Variants in TACC2 observed in about 807,000 individuals in gnomAD.
TACC2 encodes the protein transforming acidic coiled-coil-containing protein 2.
A neutral mutation model predicts 227.3 loss-of-function variants in TACC2; 137 were observed. The ratio of observed to expected loss-of-function variants is 0.60; its 90% CI spans 0.52 to 0.69. TACC2 has a LOEUF of 0.69. TACC2 is among the 30% of genes least tolerant of loss of function. The pLI is 0.00. For synonymous variants in TACC2, 1,523 were observed against 1,487.5 expected (o/e 1.02, Z -0.55); for missense variants, 3,470 against 3,694.4 (o/e 0.94, Z 1.57).
intron 7 of TACC2, among the ~76,000 whole-genome samples, chr10:122,178,296 T>G (rs1349362116): frequency 5.3e-5 from 8 of 150,822 alleles, no homozygotes; most frequent in Admixed American, 2.0e-4. Context: ...GAGTGCAGTG[T>G]CGTGATCTTT....
At chr10:122,247,592 T>C (rs1297648835) in intron 19 of TACC2, 1 of 152,236 alleles carries the variant, frequency 6.6e-6, no homozygotes, top group East Asian at 1.9e-4. Context: ...AGTCATGTCC[T>C]AGGTACCAGC....
In TACC2 at chr10:122,125,427, C is replaced by G. The variant is rs2086643916; in HGVS notation, c.5574-7182C>G. Among the ~76,000 whole-genome samples, 5 of 152,244 alleles carry G rather than the reference C, an allele frequency of 3.3e-5. No individual in the cohort carries two copies. In the South Asian group the frequency reaches 1.0e-3, roughly 32 times the overall value. ...TGTTGCTCAGGCTGGTCTCGAACTC[C>G]TGGACCCAAGGGATCCTCCTGCTTC... is the stretch of plus-strand genomic sequence containing the variant. On this transcript the variant is annotated intron_variant, in intron 5 of 22. Coordinates refer to ENST00000369005, the MANE Select transcript of TACC2 (RefSeq NM_206862.4).
chr10:122,240,559 C>T (rs1308404150), intron 18 of TACC2, among the ~76,000 whole-genome samples: 1 of 152,218 alleles, frequency 6.6e-6, no homozygotes, highest in East Asian at 1.9e-4. Context: ...AATCCTTACT[C>T]TACCAAGGAG....
At chr10:122,222,936 C>G (rs747336862) in intron 11 of TACC2, among the ~76,000 whole-genome samples, 1 of 151,942 alleles carries the variant, frequency 6.6e-6, no homozygotes, top group Admixed American at 6.6e-5. Context: ...TATAATAGAA[C>G]AGTAAAATGA....
At chr10:122,170,070 C>A (rs1162136621) in intron 7 of TACC2, among the ~76,000 whole-genome samples, 1 of 151,838 alleles carries the variant, frequency 6.6e-6, no homozygotes, top group African/African-American at 2.4e-5. Flanking sequence ...TAGTTTACTT[C>A]ATATCTCCTC....
chr10:122,095,018 A>G (rs1057119452), intron 5 of TACC2, among the ~76,000 whole-genome samples: 1 of 152,126 alleles, frequency 6.6e-6, no homozygotes, highest in African/African-American at 2.4e-5. Context: ...GGGCATTCTT[A>G]TTGAGCTCCC....
intron 3 of TACC2, among the ~76,000 whole-genome samples, chr10:122,066,782 T>C (rs2077436334): frequency 6.6e-6 from 1 of 152,242 alleles, no homozygotes; most frequent in Non-Finnish European, 1.5e-5. Context: ...TTTAAATCTA[T>C]AGTCTTATTC....
intron 5 of TACC2, among the ~76,000 whole-genome samples, chr10:122,124,394 C>A (rs748801946): frequency 2.6e-5 from 4 of 152,204 alleles, no homozygotes; most frequent in African/African-American, 4.8e-5. Flanking sequence ...GCCTGCATTT[C>A]TTGCCCCCTC....
At chr10:122,047,808 C>T (rs985712110) in intron 2 of TACC2, among the ~76,000 whole-genome samples, 7 of 152,252 alleles carry the variant, frequency 4.6e-5, no homozygotes, top group African/African-American at 9.6e-5. Context: ...TGCTCAATAA[C>T]AGGAGCATTT....
chr10:122,053,764 C>T (rs758636039), intron 3 of TACC2, among the ~76,000 whole-genome samples: 3 of 152,284 alleles, frequency 2.0e-5, no homozygotes, highest in Admixed American at 6.5e-5. Flanking sequence ...CACTCTCAGG[C>T]GCATTGGCCT....
At chr10:122,196,210 G>T (rs570499815) in intron 8 of TACC2, among the ~76,000 whole-genome samples, 1 of 152,244 alleles carries the variant, frequency 6.6e-6, no homozygotes, top group Non-Finnish European at 1.5e-5. Context: ...GTTTTAGAAA[G>T]AAATGGGTGG....
chr10:122,228,081 C>A (rs1589756945), intron 14 of TACC2, 73 bp downstream of exon 14: 1 of 1,499,848 alleles, frequency 6.7e-7, no homozygotes, highest in African/African-American at 1.4e-5. Flanking sequence ...ACCAAGAAGG[C>A]CAGGCCTTCA....
intron 3 of TACC2, among the ~76,000 whole-genome samples, chr10:122,065,184 T>A (rs2077251347): frequency 6.6e-6 from 1 of 152,198 alleles, no homozygotes; most frequent in African/African-American, 2.4e-5. Flanking sequence ...ATAATCACAT[T>A]GTTGTTTGAC....
At chr10:122,153,640 A>G (rs1166686539) in intron 7 of TACC2, among the ~76,000 whole-genome samples, 1 of 152,226 alleles carries the variant, frequency 6.6e-6, no homozygotes, top group African/African-American at 2.4e-5. Context: ...AGCCACAGCT[A>G]AACATGTATT....
At chr10:122,251,732 C>G (rs1436067182) in intron 22 of TACC2, among the ~76,000 whole-genome samples, 2 of 152,180 alleles carry the variant, frequency 1.3e-5, no homozygotes, top group Non-Finnish European at 2.9e-5. Context: ...AAATAAAAAC[C>G]ATACTTCACA....
chr10:122,166,624 GA>G (rs751550696), intron 7 of TACC2, among the ~76,000 whole-genome samples: 2 of 152,166 alleles, frequency 1.3e-5, no homozygotes, highest in African/African-American at 2.4e-5. Context: ...CCTCACCCCA[GA>G]CCAGCTGAAT....
At position 122,087,039 on chromosome 10, in the gene TACC2, T is replaced by C; in HGVS notation, c.4539T>C (p.Gly1513=). The change falls in exon 4 of 23, where the codon GGT becomes GGC. Residue 1513 remains glycine (G), a synonymous_variant. Coordinates refer to ENST00000369005, the MANE Select transcript of TACC2 (RefSeq NM_206862.4). ...GGGAGCGGAACTTGCCAGGTGCCGG[T>C]GTGGGGAAGGAGATGGCAGGTGTCC... ...LTWERNLPGA[G]VGKEMAGVPP... 1 of 1,613,746 alleles carries C rather than the reference T, an allele frequency of 6.2e-7. No homozygotes were observed. The highest frequency in any genetic ancestry group is 8.5e-7 in the Non-Finnish European group (1 of 1,179,982).
At chr10:122,069,111 C>G (rs2077733119) in intron 3 of TACC2, among the ~76,000 whole-genome samples, 1 of 127,642 alleles carries the variant, frequency 7.8e-6, no homozygotes, top group Non-Finnish European at 1.7e-5. Flanking sequence ...TCGGTCTCCC[C>G]AGATACACAG....
rs1054176523 is a variant in TACC2 at position 122,209,496 on chromosome 10, C to T, written c.5972-901C>T. ...GTGCTCCTGCCGCAGAGCCTTTACT[C>T]GCACTATTCCTTCTACCCAGGATGC... On this transcript the variant is annotated intron_variant, in intron 8 of 22. Transcript: ENST00000369005. The surrounding 1 kb of genome is among the most constrained non-coding windows in gnomAD (Gnocchi z 4.5). Among the ~76,000 whole-genome samples the T allele has an allele frequency of 1.3e-5, 2 of 152,212 alleles. No homozygotes were observed. Among genetic ancestry groups the T allele is most frequent in the African/African-American group, 4.8e-5 (2 of 41,452 alleles).
Sources: gnomAD v4.1 joint callset for allele counts (sites outside exome capture counted in the v4.1 genomes callset) on GRCh38, gnomAD v4.1.1 for gene constraint, Gnocchi (gnomAD v3.1) non-coding constraint, MANE v1.5 for transcripts, NCBI Gene and HGNC (gene_info 2026-07-23, HGNC 2026-07-21) for gene names.